MCTP2: variants seen among roughly 807,000 people sequenced by gnomAD.
The protein encoded by MCTP2 is multiple C2 and transmembrane domain-containing protein 2.
A neutral mutation model predicts 111.6 loss-of-function variants in MCTP2; 132 were observed. The ratio of observed to expected loss-of-function variants is 1.18; its 90% confidence interval spans 1.03 to 1.37. The LOEUF is 1.37. MCTP2 is among the 40% of genes most tolerant of loss of function. MCTP2 has a pLI of 0.00. For missense variants in MCTP2, 1,183 were observed against 1,067.9 expected, an observed-to-expected ratio of 1.11 and a Z score of -1.50; for synonymous variants, 395 against 387.7, an observed-to-expected ratio of 1.02 and a Z score of -0.22.
At position 94,298,634 on chromosome 15, in the gene MCTP2, C is replaced by T. The variant is rs1567353796; in HGVS notation, c.369C>T (p.Ala123=). 2 of 1,614,084 alleles carry T rather than the reference C, an allele frequency of 1.2e-6. No homozygotes were observed. The highest frequency in any genetic ancestry group is 1.7e-6 in the Non-Finnish European group (2 of 1,180,002). ...LHVVETDSEE[A]YASPAERRRV... is the part of the protein sequence containing the mutation. ...TGGTGGAAACAGACTCAGAGGAGGC[C>T]TATGCCTCTCCTGCTGAGCGGAGAC... Residue 123 remains alanine, a synonymous_variant, in exon 2 of 23, where the codon GCC becomes GCT. Coordinates refer to ENST00000357742, the MANE Select transcript of MCTP2 (RefSeq NM_001385001.1).
chr15:94,473,643 A>G (rs989093868), intron 21 of MCTP2, among the ~76,000 whole-genome samples: 2 of 152,098 alleles, frequency 1.3e-5, no homozygotes, highest in African/African-American at 4.8e-5. Context: ...CTGTTTTTTC[A>G]GGGTAGATAT....
intron 10 of MCTP2, among the ~76,000 whole-genome samples, chr15:94,362,263 A>G (rs1386854345): frequency 6.6e-6 from 1 of 152,226 alleles, no homozygotes. Flanking sequence ...GAGTATGAAT[A>G]TAGAGTAATA....
At chr15:94,350,607 T>C (rs2078251721) in intron 8 of MCTP2, among the ~76,000 whole-genome samples, 1 of 152,198 alleles carries the variant, frequency 6.6e-6, no homozygotes, top group Non-Finnish European at 1.5e-5. Context: ...GCACCAGCCC[T>C]GCACTTGCAG....
At chr15:94,288,085 T>G (rs2048348050) in intron 1 of MCTP2, among the ~76,000 whole-genome samples, 2 of 152,210 alleles carry the variant, frequency 1.3e-5, no homozygotes, top group Admixed American at 1.3e-4. Flanking sequence ...GAGGGGCATA[T>G]GCTTTCTATT....
intron 1 of MCTP2, among the ~76,000 whole-genome samples, chr15:94,245,281 T>A (rs1280564891): frequency 1.4e-5 from 2 of 142,080 alleles, no homozygotes; most frequent in Non-Finnish European, 3.0e-5. Flanking sequence ...TATACGTATA[T>A]ACACATATGT....
At chr15:94,436,111 T>A (rs1466628621) in intron 17 of MCTP2, among the ~76,000 whole-genome samples, 2 of 152,158 alleles carry the variant, frequency 1.3e-5, no homozygotes, top group East Asian at 3.9e-4. Context: ...TACCTTTGCT[T>A]ACACTCTCCT....
chr15:94,265,524 A>G (rs1158547062), intron 1 of MCTP2, among the ~76,000 whole-genome samples: 2 of 152,198 alleles, frequency 1.3e-5, no homozygotes, highest in Non-Finnish European at 2.9e-5. Context: ...TTCAGAGTTT[A>G]TATAAGATAT....
Position 94,285,091 on chromosome 15 carries a change from T to C in MCTP2, c.-65-13110T>C, listed in dbSNP as rs143909096. Among the ~76,000 whole-genome samples, 841 of 152,236 alleles carry C rather than the reference T, an allele frequency of 5.5e-3. 2 individuals are homozygous for C. Among genetic ancestry groups the C allele is most frequent in the African/African-American group, 0.019 (799 of 41,540 alleles). ...CACAGGAATAGCAGGGAAAAAATAA[T>C]AGTGGCAAAGAGAAAAGTGGATGAG... On this transcript the variant is annotated intron_variant, in intron 1 of 22. Transcript: ENST00000357742.
intron 17 of MCTP2, among the ~76,000 whole-genome samples, chr15:94,405,312 T>C (rs573473832): frequency 3.3e-5 from 5 of 152,336 alleles, no homozygotes; most frequent in Non-Finnish European, 7.4e-5. Context: ...GATACAAACA[T>C]GAACATTGCA....
chr15:94,398,855 G>A, intron 14 of MCTP2, 106 bp from the exon 15 acceptor site: 1 of 645,086 alleles, frequency 1.6e-6, no homozygotes, highest in Non-Finnish European at 2.8e-6. Flanking sequence ...TGCTTCACCT[G>A]TGATCATTGT....
chr15:94,422,141 T>C (rs745580890), intron 17 of MCTP2, among the ~76,000 whole-genome samples: 14 of 152,130 alleles, frequency 9.2e-5, no homozygotes, highest in Non-Finnish European at 1.8e-4. Flanking sequence ...TCAGTCTCCT[T>C]TCCCCAAGGC....
At chr15:94,330,346 A>T (rs528689920) in intron 4 of MCTP2, among the ~76,000 whole-genome samples, 1 of 152,236 alleles carries the variant, frequency 6.6e-6, no homozygotes, top group African/African-American at 2.4e-5. Context: ...TATTTTTAGT[A>T]ATTTTTAATA....
rs1394695324 is a variant in MCTP2 at position 94,384,023 on chromosome 15, G to T, written c.1584G>T (p.Gly528=). Residue 528 remains glycine (G), a splice_region_variant and synonymous_variant, in exon 13 of 23, where the codon GGG becomes GGT. Transcript: ENST00000357742. The part of the protein sequence containing the change: ...AADLLAADFS[G]KSDPFCLLEL... ...CCGATGTGTATGTTATCTTTCCAGG[G>T]AAGAGTGACCCATTTTGCTTGTTGG... 6.2e-7 allele frequency: 1 copy of T among 1,610,616 alleles called. No individual in the cohort carries two copies. The highest frequency in any genetic ancestry group is 8.5e-7 in the Non-Finnish European group (1 of 1,177,000).
At chr15:94,305,182 A>G (rs1163469441) in intron 2 of MCTP2, among the ~76,000 whole-genome samples, 4 of 152,188 alleles carry the variant, frequency 2.6e-5, no homozygotes, top group Non-Finnish European at 4.4e-5. Context: ...CCCTGATCCA[A>G]TGGAACTGGT....
In MCTP2 at chr15:94,401,956, A is replaced by G. The variant is rs951375723; in HGVS notation, c.2022A>G (p.Thr674=). 2.5e-6 allele frequency: 4 copies of G among 1,612,874 alleles called. No individual in the cohort carries two copies. In the Admixed American group the frequency reaches 6.7e-5, roughly 27 times the overall value. Residue 674 remains threonine (T), a synonymous_variant, in exon 17 of 23, where the codon ACA becomes ACG. Transcript: ENST00000357742. ...VKRITMAIWN[T]MQFLKSCFQW... ...GAATCACTATGGCAATATGGAATAC[A>G]ATGCAGTTCCTTAAAAGCTGCTTCC...
intron 2 of MCTP2, among the ~76,000 whole-genome samples, chr15:94,307,425 GC>G (rs1315715110): frequency 6.6e-6 from 1 of 152,122 alleles, no homozygotes; most frequent in Admixed American, 6.5e-5. Context: ...AAGCATAAAG[GC>G]CCCAGGGTAG....
chr15:94,468,101 TATATA>T lies in MCTP2; in HGVS notation c.2361-2225_2361-2221del, dbSNP rs1033404796. Among the ~76,000 whole-genome samples, 20 of 151,486 alleles carry T rather than the reference TATATA, an allele frequency of 1.3e-4. 1 individual carries two copies. The highest frequency in any genetic ancestry group is 8.3e-4 in the South Asian group (4 of 4,820). ...TAAACAAAGCAACAAACTGAAAGAA[TATATA>T]ATATAACAAACATGACAAATGTCTG... On this transcript the variant is annotated intron_variant, in intron 20 of 22. Transcript: ENST00000357742.
intron 1 of MCTP2, among the ~76,000 whole-genome samples, chr15:94,289,020 T>C (rs1015595276): frequency 6.6e-6 from 1 of 152,156 alleles, no homozygotes; most frequent in Non-Finnish European, 1.5e-5. Flanking sequence ...TCCGGGATTA[T>C]AGAACAATCA....
chr15:94,262,016 G>C (rs1407622227), intron 1 of MCTP2, among the ~76,000 whole-genome samples: 4 of 151,984 alleles, frequency 2.6e-5, no homozygotes, highest in Non-Finnish European at 5.9e-5. Context: ...AATATTTTTG[G>C]AAAACTAATG....
Sources: gnomAD v4.1 joint callset for allele counts (sites outside exome capture counted in the v4.1 genomes callset) on GRCh38, gnomAD v4.1.1 for gene constraint, MANE v1.5 for transcripts, NCBI Gene and HGNC (gene_info 2026-07-23, HGNC 2026-07-21) for gene names.